The following AKT3 variants were observed in gnomAD, a reference collection of about 807,000 sequenced individuals.
The protein encoded by AKT3 is RAC-gamma serine/threonine-protein kinase.
Under a neutral mutation model 65.3 loss-of-function variants are expected in AKT3, and 15 were observed. That is an observed-to-expected ratio of 0.23 (90% CI 0.15 to 0.35). AKT3 has a LOEUF of 0.35. Among genes scored for constraint, AKT3 ranks in the 10% least tolerant of loss-of-function variants. AKT3 has a pLI of 1.00. For synonymous variants in AKT3, 206 were observed against 183.8 expected, an observed-to-expected ratio of 1.12 and a Z score of -0.98; for missense variants, 243 against 576.5, an observed-to-expected ratio of 0.42 and a Z score of 5.92.
chr1:243,670,401 A>C (rs1351664756), intron 3 of AKT3, among the ~76,000 whole-genome samples: 2 of 152,206 alleles, frequency 1.3e-5, no homozygotes, highest in African/African-American at 4.8e-5. Flanking sequence ...GTAAATAGAA[A>C]AACTTTTGAG....
At chr1:243,624,624 TA>T in intron 6 of AKT3, 1 of 169,454 alleles carries the variant, frequency 5.9e-6, no homozygotes. Context: ...AGAGGAAAAC[TA>T]AAGAGCTCTT....
chr1:243,643,902 A>G (rs796692760), intron 5 of AKT3, among the ~76,000 whole-genome samples: 21 of 152,342 alleles, frequency 1.4e-4, no homozygotes, highest in African/African-American at 5.0e-4. Context: ...GATATACATA[A>G]GGGTATAGTT....
chr1:243,679,687 C>G (rs1348605262), intron 3 of AKT3, among the ~76,000 whole-genome samples: 2 of 152,124 alleles, frequency 1.3e-5, no homozygotes, highest in African/African-American at 4.8e-5. Context: ...CATGAATTAA[C>G]ATGTAACTAA....
intron 2 of AKT3, among the ~76,000 whole-genome samples, chr1:243,785,235 A>ATTTT (rs757049231): frequency 7.2e-6 from 1 of 138,898 alleles, no homozygotes; most frequent in African/African-American, 2.6e-5. Flanking sequence ...TGCCCAGCTA[A>ATTTT]TTTTTTTTTT....
At chr1:243,691,411 T>C (rs370407131) in intron 3 of AKT3, among the ~76,000 whole-genome samples, 1 of 152,152 alleles carries the variant, frequency 6.6e-6, no homozygotes, top group African/African-American at 2.4e-5. Context: ...AGTTATGATA[T>C]AATTTTAGAA....
At position 243,633,366 on chromosome 1, in the gene AKT3, A is replaced by G. The variant is rs114313314; in HGVS notation, c.561+4245T>C. On this transcript the variant is annotated intron_variant, in intron 6 of 13. Coordinates refer to ENST00000673466, the MANE Select transcript of AKT3 (RefSeq NM_005465.7). ...TACACAAAAAAATATAAAAGCTAGTATTACTGTAAGTTTGTGTTGTAATAC... is the reference window on the plus strand; with the variant it reads ...TACACAAAAAAATATAAAAGCTAGTGTTACTGTAAGTTTGTGTTGTAATAC... 4.6e-3 allele frequency among the ~76,000 whole-genome samples: 694 copies of G among 152,298 alleles called. 5 individuals carry two copies. The highest frequency in any genetic ancestry group is 0.016 in the African/African-American group (672 of 41,576).
intron 8 of AKT3, among the ~76,000 whole-genome samples, chr1:243,573,993 T>C (rs1157493809): frequency 6.6e-6 from 1 of 152,168 alleles, no homozygotes; most frequent in Admixed American, 6.6e-5. Context: ...TGAAAGATTG[T>C]TTACAGTGCT....
intron 10 of AKT3, among the ~76,000 whole-genome samples, chr1:243,555,382 A>G (rs1673340567): frequency 6.6e-6 from 1 of 152,164 alleles, no homozygotes; most frequent in Admixed American, 6.5e-5. Context: ...CCACTATTAA[A>G]ACAATATCCT....
intron 2 of AKT3, among the ~76,000 whole-genome samples, chr1:243,716,206 T>C (rs1010870423): frequency 5.3e-5 from 8 of 152,122 alleles, no homozygotes; most frequent in African/African-American, 1.9e-4. Context: ...ATAATTAAAT[T>C]AGAACAAAGC....
chr1:243,645,794 G>GT (rs1398405669), intron 5 of AKT3, 99 bp downstream of exon 5: 8 of 1,217,426 alleles, frequency 6.6e-6, no homozygotes, highest in Non-Finnish European at 7.9e-6. Context: ...TTTACATATC[G>GT]TAAGAAAACT....
intron 9 of AKT3, among the ~76,000 whole-genome samples, chr1:243,570,304 T>C (rs1674468651): frequency 6.6e-6 from 1 of 152,200 alleles, no homozygotes; most frequent in Non-Finnish European, 1.5e-5. Context: ...CAGAGACAAA[T>C]CTGAGACTGA....
At chr1:243,707,558 A>C (rs1185572708) in intron 2 of AKT3, among the ~76,000 whole-genome samples, 1 of 152,180 alleles carries the variant, frequency 6.6e-6, no homozygotes, top group African/African-American at 2.4e-5. Flanking sequence ...TCAAATTATA[A>C]GAAAGTTACT....
At chr1:243,698,160 A>G (rs1482504066) in intron 2 of AKT3, among the ~76,000 whole-genome samples, 1 of 152,064 alleles carries the variant, frequency 6.6e-6, no homozygotes, top group Admixed American at 6.6e-5. Flanking sequence ...TTATTCCTAT[A>G]TAAAATTCAA....
chr1:243,496,496 G>A (rs1245621430), downstream of AKT3, among the ~76,000 whole-genome samples: 2 of 152,244 alleles, frequency 1.3e-5, no homozygotes, highest in African/African-American at 2.4e-5. Context: ...ACAGGACCAC[G>A]TTTTGACTTG....
At chr1:243,528,333 T>C (rs1671295085) in intron 12 of AKT3, among the ~76,000 whole-genome samples, 1 of 152,190 alleles carries the variant, frequency 6.6e-6, no homozygotes, top group Non-Finnish European at 1.5e-5. Context: ...ATTTTTTAAA[T>C]TTTAGGTTGA....
intron 6 of AKT3, among the ~76,000 whole-genome samples, chr1:243,635,781 A>G (rs1679929666): frequency 6.6e-6 from 1 of 152,082 alleles, no homozygotes; most frequent in Non-Finnish European, 1.5e-5. Context: ...TCACCAGTAA[A>G]AAGATATCAA....
intron 8 of AKT3, among the ~76,000 whole-genome samples, chr1:243,594,206 A>G (rs2148558413): frequency 6.6e-6 from 1 of 152,364 alleles, no homozygotes; most frequent in South Asian, 2.1e-4. Context: ...GAAAAATTGA[A>G]AAATTATACA....
At chr1:243,568,683 C>T (rs1674351161) in intron 9 of AKT3, among the ~76,000 whole-genome samples, 2 of 152,154 alleles carry the variant, frequency 1.3e-5, no homozygotes, top group African/African-American at 4.8e-5. Flanking sequence ...CTTTAAAAAT[C>T]CTAGCTGTCT....
At chr1:243,629,715 C>T (rs996681791) in intron 6 of AKT3, among the ~76,000 whole-genome samples, 11 of 152,130 alleles carry the variant, frequency 7.2e-5, no homozygotes, top group Middle Eastern at 3.2e-3. Context: ...TGGCGTGAAC[C>T]CAGGAGGCGG....
Sources: allele counts gnomAD v4.1 joint callset (sites outside exome capture counted in the v4.1 genomes callset), GRCh38; gene constraint gnomAD v4.1.1; transcripts MANE v1.5; gene names NCBI Gene and HGNC (gene_info 2026-07-23, HGNC 2026-07-21).